Variants in PCDHA13 observed in about 807,000 individuals in gnomAD.
PCDHA13 encodes the protein protocadherin alpha-13.
In PCDHA13, 54 loss-of-function variants were observed where a neutral mutation model predicts 64.8. The ratio of observed to expected loss-of-function variants is 0.83; its 90% confidence interval spans 0.67 to 1.04. The LOEUF (loss-of-function observed/expected upper bound fraction) is 1.04. PCDHA13 is among the 50% of genes least tolerant of loss of function. PCDHA13 has a pLI of 0.00. For missense variants in PCDHA13, 1,248 were observed against 1,254.3 expected (o/e 0.99, Z 0.08); for synonymous variants, 587 against 564.4 (o/e 1.04, Z -0.57).
At position 140,967,913 on chromosome 5, in the gene PCDHA13, A is replaced by G. The variant is rs548732358; in HGVS notation, c.2395-11036A>G. 3.7e-6 allele frequency: 6 copies of G among 1,614,184 alleles called. No homozygotes were observed. The highest frequency in any genetic ancestry group is 1.3e-5 in the African/African-American group (1 of 75,042). ...GCCTGAGAATGCTACACCCAACACC[A>G]TTGTGGCCGTTCTCAGTGTCAATGA... On this transcript the variant is annotated intron_variant, in intron 1 of 3. Transcript: ENST00000289272.
At chr5:140,926,573 A>C in intron 1 of PCDHA13, 2 of 265,974 alleles carry the variant, frequency 7.5e-6, no homozygotes. Context: ...TACTGGAGAC[A>C]GCACCTCTCG....
At chr5:141,006,130 TAGAAAGCTTAAGC>T (rs2098257447) in intron 3 of PCDHA13, among the ~76,000 whole-genome samples, 1 of 150,362 alleles carries the variant, frequency 6.7e-6, no homozygotes. Context: ...CTCAAGGCAG[TAGAAAGCTTAAGC>T]AGAGGAGTGA....
intron 1 of PCDHA13, among the ~76,000 whole-genome samples, chr5:140,934,476 AATTAT>A (rs2089852464): frequency 6.6e-6 from 1 of 152,124 alleles, no homozygotes. Flanking sequence ...TTATTTTGAA[AATTAT>A]ATTCACCTCA....
At chr5:140,946,032 A>C (rs1440402875) in intron 1 of PCDHA13, among the ~76,000 whole-genome samples, 2 of 152,102 alleles carry the variant, frequency 1.3e-5, no homozygotes, top group Admixed American at 1.3e-4. Flanking sequence ...AGAAAACAAG[A>C]GTGAAGGGAC....
At chr5:140,944,378 A>G (rs1204116678) in intron 1 of PCDHA13, among the ~76,000 whole-genome samples, 1 of 151,884 alleles carries the variant, frequency 6.6e-6, no homozygotes, top group Admixed American at 6.6e-5. Flanking sequence ...ATAGAGATGG[A>G]GTCTCACTGT....
intron 1 of PCDHA13, among the ~76,000 whole-genome samples, chr5:140,908,777 TCTC>T (rs2074149319): frequency 6.6e-6 from 1 of 152,144 alleles, no homozygotes; most frequent in African/African-American, 2.4e-5. Flanking sequence ...TGTAGAGTCT[TCTC>T]CTGTTCTGTA....
At chr5:140,965,066 G>A (rs931765352) in intron 1 of PCDHA13, among the ~76,000 whole-genome samples, 3 of 152,164 alleles carry the variant, frequency 2.0e-5, no homozygotes, top group Non-Finnish European at 4.4e-5. Flanking sequence ...CAAATGTCAG[G>A]TCTCACTCTG....
intron 1 of PCDHA13, among the ~76,000 whole-genome samples, chr5:140,919,085 T>C (rs2078998041): frequency 1.3e-5 from 2 of 152,368 alleles, no homozygotes; most frequent in East Asian, 3.9e-4. Context: ...GACTATTGAA[T>C]TGTCTATTTC....
At chr5:140,952,261 C>T (rs246037) in intron 1 of PCDHA13, among the ~76,000 whole-genome samples, 85,112 of 150,858 alleles carry the variant, frequency 0.56, 24,616 homozygotes, top group African/African-American at 0.69. Flanking sequence ...GATTCCCATT[C>T]TGGGGTCTTG....
intron 1 of PCDHA13, among the ~76,000 whole-genome samples, chr5:140,907,298 A>T (rs138771358): frequency 0.017 from 2,638 of 152,276 alleles, 92 homozygotes; most frequent in African/African-American, 0.06. Context: ...CTGCTTCAGG[A>T]TGATGGGGAA....
intron 1 of PCDHA13, chr5:140,926,754 C>T: frequency 1.6e-6 from 2 of 1,283,492 alleles, no homozygotes; most frequent in Non-Finnish European, 2.0e-6. Flanking sequence ...TCGGCGGTCG[C>T]TGAGTATCCA....
chr5:140,967,043 G>T (rs1477679213), intron 1 of PCDHA13: 2 of 1,611,990 alleles, frequency 1.2e-6, no homozygotes, highest in African/African-American at 2.7e-5. Context: ...CCTGGAGCTG[G>T]ACCTGACGAG....
intron 1 of PCDHA13, chr5:140,969,495 C>A: frequency 7.0e-7 from 1 of 1,437,888 alleles, no homozygotes; most frequent in South Asian, 1.5e-5. Flanking sequence ...TATTTCCTCT[C>A]TAGAAAAATA....
rs2086150778 is a variant in PCDHA13, at chr5:140,929,428, G to C, written c.2394+44766G>C. ...AGCCTTTCACAACATTTCATCAATT[G>C]AACTAAACACTCCTTCTTAGCACTT... On this transcript the variant is annotated intron_variant, in intron 1 of 3. Coordinates refer to ENST00000289272, the MANE Select transcript of PCDHA13 (RefSeq NM_018904.3). 4 of 1,491,484 alleles carry C rather than the reference G, an allele frequency of 2.7e-6. No homozygotes were observed. The East Asian group carries it at 6.9e-5, about 26-fold the overall frequency. 92.4% of individuals were successfully genotyped at this position (1,491,484 alleles called of 1,614,324 possible). A position where few individuals can be genotyped will look rare whatever the true frequency, so the allele number is the denominator to read the frequency against.
At chr5:140,928,817 G>A (rs868908592) in intron 1 of PCDHA13, 1 of 1,614,118 alleles carries the variant, frequency 6.2e-7, no homozygotes, top group Non-Finnish European at 8.5e-7. Flanking sequence ...CGGGACCATG[G>A]AGACCCACCA....
intron 1 of PCDHA13, chr5:140,927,197 A>G: frequency 6.2e-7 from 1 of 1,614,150 alleles, no homozygotes; most frequent in African/African-American, 1.3e-5. Flanking sequence ...CTGGTGCTCG[A>G]GGACCCGCTG....
At chr5:140,979,865 G>C (rs2096867408) in intron 2 of PCDHA13, among the ~76,000 whole-genome samples, 1 of 152,162 alleles carries the variant, frequency 6.6e-6, no homozygotes, top group Non-Finnish European at 1.5e-5. Flanking sequence ...CAAAATATCT[G>C]GGCAACTATC....
At chr5:140,885,577 A>G (rs1554182197) in intron 1 of PCDHA13, among the ~76,000 whole-genome samples, 1 of 152,172 alleles carries the variant, frequency 6.6e-6, no homozygotes, top group African/African-American at 2.4e-5. Context: ...TCAGATGTGG[A>G]ATTGATGCAT....
At chr5:140,925,955 G>A (rs1350124934) in intron 1 of PCDHA13, among the ~76,000 whole-genome samples, 1 of 152,076 alleles carries the variant, frequency 6.6e-6, no homozygotes, top group Non-Finnish European at 1.5e-5. Context: ...AGGAGAAACT[G>A]CTATCACGCA....
Sources: allele counts gnomAD v4.1 joint callset (sites outside exome capture counted in the v4.1 genomes callset), GRCh38; gene constraint gnomAD v4.1.1; transcripts MANE v1.5; gene names NCBI Gene and HGNC (gene_info 2026-07-23, HGNC 2026-07-21).